Variants in CEP112 observed in about 807,000 individuals in gnomAD.
CEP112 encodes the protein centrosomal protein 112, also known as centrosomal protein of 112 kDa.
Under a neutral mutation model 153.0 loss-of-function variants are expected in CEP112, and 127 were observed. The observed-to-expected ratio is 0.83, with a 90% CI of 0.72 to 0.96. CEP112 has a LOEUF of 0.96. Ranked by LOEUF, CEP112 falls within the 40% of genes least tolerant of loss-of-function variation. CEP112 has a pLI of 0.00. For synonymous variants in CEP112, 358 were observed against 374.4 expected (o/e 0.96, Z 0.51); for missense variants, 1,089 against 1,101.2 (o/e 0.99, Z 0.16).
chr17:65,870,624 T>C (rs1437449394), intron 20 of CEP112, among the ~76,000 whole-genome samples: 1 of 152,182 alleles, frequency 6.6e-6, no homozygotes, highest in African/African-American at 2.4e-5. Context: ...TTAATAACCT[T>C]ATCCTGAAAA....
chr17:65,641,158 G>T, intron 24 of CEP112, 93 bp from the exon 25 acceptor site: 2 of 714,378 alleles, frequency 2.8e-6, no homozygotes, highest in Non-Finnish European at 2.4e-6. Context: ...TCATCACAAT[G>T]AAAGGTTTGT....
chr17:66,110,500 G>A (rs1192068438), intron 6 of CEP112, among the ~76,000 whole-genome samples: 1 of 151,862 alleles, frequency 6.6e-6, no homozygotes, highest in Non-Finnish European at 1.5e-5. Flanking sequence ...GAGAAAAGAA[G>A]GGAATGTTCA....
chr17:65,849,386 A>G (rs2057842976), intron 21 of CEP112, among the ~76,000 whole-genome samples: 1 of 152,094 alleles, frequency 6.6e-6, no homozygotes, highest in Non-Finnish European at 1.5e-5. Context: ...TCTTGCAGTC[A>G]CTATTATTTT....
intron 17 of CEP112, among the ~76,000 whole-genome samples, chr17:65,978,476 C>T (rs1347700727): frequency 6.6e-6 from 1 of 152,222 alleles, no homozygotes; most frequent in Admixed American, 6.5e-5. Flanking sequence ...ATTGCTTGAA[C>T]AATCGGTGAA....
intron 19 of CEP112, among the ~76,000 whole-genome samples, chr17:65,920,310 G>A: frequency 7.4e-6 from 1 of 136,030 alleles, no homozygotes; most frequent in African/African-American, 2.8e-5. Flanking sequence ...TGCACCACTG[G>A]CACTCCAGCC....
chr17:66,177,035 G>A lies in CEP112; in HGVS notation c.107-15C>T. On this transcript the variant is annotated splice_polypyrimidine_tract_variant and intron_variant, in intron 2 of 26. Coordinates refer to ENST00000535342, the MANE Select transcript of CEP112 (RefSeq NM_001199165.4). Reference sequence around the variant, plus strand: ...CCTCTGCCGTTCTATAAATACAGAAGAACTATTAGAAATTTTATTTTTTAT... The same window carrying A: ...CCTCTGCCGTTCTATAAATACAGAAAAACTATTAGAAATTTTATTTTTTAT... 3 of 1,564,232 alleles carry A rather than the reference G, an allele frequency of 1.9e-6. No homozygotes were observed. Among genetic ancestry groups the A allele is most frequent in the East Asian group, 4.5e-5 (2 of 44,222 alleles).
intron 17 of CEP112, among the ~76,000 whole-genome samples, chr17:65,971,140 T>C (rs1039114741): frequency 6.6e-6 from 1 of 152,338 alleles, no homozygotes; most frequent in Admixed American, 6.5e-5. Context: ...TTATATTGCA[T>C]GTGCACATGA....
intron 16 of CEP112, among the ~76,000 whole-genome samples, chr17:66,026,222 T>C (rs2065203117): frequency 1.3e-5 from 2 of 152,158 alleles, no homozygotes; most frequent in Non-Finnish European, 2.9e-5. Context: ...CCAGACTTCA[T>C]GATTATGTAA....
In CEP112 at chr17:65,936,298, C is replaced by T. The variant is rs774208649; in HGVS notation, c.1873-8609G>A. Among the ~76,000 whole-genome samples, 663 of 152,266 alleles carry T rather than the reference C, an allele frequency of 4.4e-3. 3 individuals are homozygous for T. The highest frequency in any genetic ancestry group is 0.02 in the Middle Eastern group (6 of 294). On this transcript the variant is annotated intron_variant, in intron 18 of 26. Transcript: ENST00000535342. ...AGGACATGATGAAAAAGAGAAGCTT[C>T]TCAACAAAGAGAAGCTTCAGCTCAC... is the stretch of plus-strand genomic sequence containing the variant.
intron 4 of CEP112, among the ~76,000 whole-genome samples, chr17:66,155,398 G>C (rs902421575): frequency 6.6e-6 from 1 of 152,122 alleles, no homozygotes; most frequent in Non-Finnish European, 1.5e-5. Context: ...ACAACCCACA[G>C]ACCAGGAGAT....
At chr17:66,174,432 G>T (rs564256360) in intron 4 of CEP112, among the ~76,000 whole-genome samples, 1 of 152,184 alleles carries the variant, frequency 6.6e-6, no homozygotes, top group South Asian at 2.1e-4. Flanking sequence ...GGTGAGGAAG[G>T]AATTATAAAG....
intron 23 of CEP112, among the ~76,000 whole-genome samples, chr17:65,728,490 C>A (rs1254002984): frequency 6.6e-6 from 1 of 152,122 alleles, no homozygotes; most frequent in East Asian, 1.9e-4. Context: ...TTGGGCTTAG[C>A]TATGACTATA....
chr17:65,804,882 G>A (rs1036298153), intron 21 of CEP112, among the ~76,000 whole-genome samples: 1 of 149,574 alleles, frequency 6.7e-6, no homozygotes, highest in Non-Finnish European at 1.5e-5. Context: ...TTTTTTTTGA[G>A]ACGGGGTCTC....
At chr17:65,939,717 A>G (rs1209342405) in intron 18 of CEP112, among the ~76,000 whole-genome samples, 1 of 152,200 alleles carries the variant, frequency 6.6e-6, no homozygotes, top group Non-Finnish European at 1.5e-5. Context: ...GGTTTTTATC[A>G]TACACCATAT....
chr17:65,860,917 T>C (rs780026234), intron 20 of CEP112, among the ~76,000 whole-genome samples: 3 of 152,210 alleles, frequency 2.0e-5, no homozygotes, highest in African/African-American at 7.2e-5. Context: ...TGGAATATTA[T>C]TCAGCAATAA....
At chr17:65,899,048 A>G (rs2059756555) in intron 20 of CEP112, among the ~76,000 whole-genome samples, 1 of 152,210 alleles carries the variant, frequency 6.6e-6, no homozygotes, top group Non-Finnish European at 1.5e-5. Flanking sequence ...CAAAAGCAAA[A>G]TAAGAATTAC....
intron 20 of CEP112, among the ~76,000 whole-genome samples, chr17:65,890,501 C>T (rs2059424918): frequency 6.6e-6 from 1 of 152,202 alleles, no homozygotes; most frequent in Non-Finnish European, 1.5e-5. Context: ...TAACTTCCAT[C>T]TCTACTTTTC....
chr17:65,649,528 G>A (rs2045624577), intron 24 of CEP112, among the ~76,000 whole-genome samples: 1 of 151,834 alleles, frequency 6.6e-6, no homozygotes, highest in Non-Finnish European at 1.5e-5. Context: ...ACCAGCCTGG[G>A]CAACATAATG....
At chr17:66,114,930 C>T (rs768441884) in intron 6 of CEP112, among the ~76,000 whole-genome samples, 3 of 151,940 alleles carry the variant, frequency 2.0e-5, no homozygotes, top group Admixed American at 6.6e-5. Flanking sequence ...CCTGGCCAGG[C>T]GCAGTGGCTC....
Sources: gnomAD v4.1 joint callset for allele counts (sites outside exome capture counted in the v4.1 genomes callset) on GRCh38, gnomAD v4.1.1 for gene constraint, MANE v1.5 for transcripts, NCBI Gene and HGNC (gene_info 2026-07-23, HGNC 2026-07-21) for gene names.